Variants in SDK1 observed in about 807,000 individuals in gnomAD.
The protein encoded by SDK1 is protein sidekick-1.
In SDK1, 157 loss-of-function variants were observed where a neutral mutation model predicts 245.5. That is an observed-to-expected ratio of 0.64 (90% confidence interval 0.56 to 0.73). The LOEUF (loss-of-function observed/expected upper bound fraction) is 0.73. Ranked by LOEUF, SDK1 falls within the 30% of genes least tolerant of loss-of-function variation. The pLI is 0.00. For synonymous variants in SDK1, 1,647 were observed against 1,278.5 expected, an observed-to-expected ratio of 1.29 and a Z score of -6.15; for missense variants, 3,583 against 3,002.3, an observed-to-expected ratio of 1.19 and a Z score of -4.52.
At chr7:4,203,739 C>G (rs1784029401) in intron 35 of SDK1, among the ~76,000 whole-genome samples, 1 of 152,212 alleles carries the variant, frequency 6.6e-6, no homozygotes, top group Non-Finnish European at 1.5e-5. Context: ...GACCCAGCGG[C>G]TTTCAGGAGC....
chr7:3,327,110 A>G (rs1417813262), intron 1 of SDK1, among the ~76,000 whole-genome samples: 1 of 152,152 alleles, frequency 6.6e-6, no homozygotes, highest in Admixed American at 6.5e-5. Flanking sequence ...TAGCAGCTGC[A>G]GCGTTTGGTC....
chr7:3,559,772 A>C (rs76035310), intron 1 of SDK1, among the ~76,000 whole-genome samples: 25 of 147,358 alleles, frequency 1.7e-4, no homozygotes, highest in African/African-American at 5.0e-4. Flanking sequence ...AAAAAAAAAA[A>C]ACACAAAAAT....
intron 4 of SDK1, among the ~76,000 whole-genome samples, chr7:3,677,523 C>G (rs1049105904): frequency 2.6e-5 from 4 of 152,154 alleles, no homozygotes; most frequent in Non-Finnish European, 5.9e-5. Flanking sequence ...TCTCGTGAGA[C>G]TTATTCACTA....
chr7:3,566,838 A>G (rs918475751), intron 1 of SDK1, among the ~76,000 whole-genome samples: 2 of 152,238 alleles, frequency 1.3e-5, no homozygotes, highest in African/African-American at 2.4e-5. Context: ...CTTCAAGCTC[A>G]TTATTACCGA....
chr7:3,624,223 G>A (rs1285214272), intron 2 of SDK1, among the ~76,000 whole-genome samples: 2 of 152,156 alleles, frequency 1.3e-5, no homozygotes, highest in East Asian at 1.9e-4. Flanking sequence ...TGCTGAGATA[G>A]GGTCTCACTC....
At chr7:4,089,183 A>G (rs1781628003) in intron 22 of SDK1, among the ~76,000 whole-genome samples, 1 of 151,932 alleles carries the variant, frequency 6.6e-6, no homozygotes, top group African/African-American at 2.4e-5. Flanking sequence ...GGGCATCTGC[A>G]GGATGAGGTC....
At chr7:3,511,132 G>A (rs1454729089) in intron 1 of SDK1, among the ~76,000 whole-genome samples, 1 of 152,186 alleles carries the variant, frequency 6.6e-6, no homozygotes, top group Non-Finnish European at 1.5e-5. Context: ...CACGGTCTGA[G>A]AAAGGAACCA....
At chr7:3,562,025 C>T (rs901669654) in intron 1 of SDK1, among the ~76,000 whole-genome samples, 1 of 152,136 alleles carries the variant, frequency 6.6e-6, no homozygotes, top group Non-Finnish European at 1.5e-5. Flanking sequence ...ATATTTTAGG[C>T]CTCCGTTTTT....
chr7:4,051,136 A>AAT (rs1004495152), intron 18 of SDK1, among the ~76,000 whole-genome samples: 10 of 139,412 alleles, frequency 7.2e-5, no homozygotes, highest in African/African-American at 1.3e-4. Context: ...TATTATATAT[A>AAT]ATATATGTAT....
chr7:3,907,541 C>G (rs1397427579), intron 5 of SDK1, among the ~76,000 whole-genome samples: 1 of 152,172 alleles, frequency 6.6e-6, no homozygotes, highest in Non-Finnish European at 1.5e-5. Context: ...GTTGTTTCTG[C>G]CTATTGGCTC....
chr7:4,210,011 T>G lies in SDK1; in HGVS notation c.5402-14T>G. 6.4e-7 allele frequency: 1 copy of G among 1,557,420 alleles called. No homozygotes were observed. Among genetic ancestry groups the G allele is most frequent in the Non-Finnish European group, 8.7e-7 (1 of 1,154,184 alleles). ...GAGCCCCTGTAAAAGTCACTTTGTG[T>G]TCTATTCTCCCAGCCCCTGGGGCCC... On this transcript the variant is annotated splice_polypyrimidine_tract_variant and intron_variant, in intron 37 of 44. Transcript: ENST00000404826.
intron 12 of SDK1, among the ~76,000 whole-genome samples, chr7:3,972,252 T>G (rs961803456): frequency 6.6e-6 from 1 of 152,050 alleles, no homozygotes; most frequent in Non-Finnish European, 1.5e-5. Context: ...GCTATTTTTT[T>G]GTATTTTTAG....
At chr7:3,513,332 A>G (rs186933193) in intron 1 of SDK1, among the ~76,000 whole-genome samples, 355 of 152,348 alleles carry the variant, frequency 2.3e-3, no homozygotes, top group Non-Finnish European at 3.6e-3. Flanking sequence ...GATATGCTAT[A>G]TAGAGGAAGA....
chr7:3,310,595 G>A (rs887827829), intron 1 of SDK1, among the ~76,000 whole-genome samples: 10 of 152,156 alleles, frequency 6.6e-5, no homozygotes, highest in African/African-American at 2.4e-4. Context: ...CATTCACTGA[G>A]GTTGGACCAC....
chr7:3,971,747 A>C (rs959697836), intron 12 of SDK1, among the ~76,000 whole-genome samples, 179 bp downstream of exon 12: 3 of 152,156 alleles, frequency 2.0e-5, no homozygotes, highest in Non-Finnish European at 4.4e-5. Context: ...TTTCCACTCC[A>C]GCCTTATGTG....
At chr7:3,306,333 C>G (rs1240571781) in intron 1 of SDK1, among the ~76,000 whole-genome samples, 1 of 152,148 alleles carries the variant, frequency 6.6e-6, no homozygotes, top group Non-Finnish European at 1.5e-5. Flanking sequence ...CCCAATTTTT[C>G]TTTCATAACA....
intron 4 of SDK1, among the ~76,000 whole-genome samples, chr7:3,757,924 A>G (rs1779983205): frequency 6.6e-6 from 1 of 152,124 alleles, no homozygotes; most frequent in South Asian, 2.1e-4. Flanking sequence ...GGGCCTGCCA[A>G]GAGTTGCCTT....
intron 1 of SDK1, among the ~76,000 whole-genome samples, chr7:3,529,790 G>C (rs777073509): frequency 2.6e-5 from 4 of 152,134 alleles, no homozygotes; most frequent in Non-Finnish European, 4.4e-5. Flanking sequence ...CCAGGTGGTC[G>C]AGGGGTGGGC....
intron 4 of SDK1, among the ~76,000 whole-genome samples, chr7:3,762,820 C>T (rs530518965): frequency 1.1e-4 from 16 of 152,178 alleles, no homozygotes; most frequent in South Asian, 8.3e-4. Flanking sequence ...TTTTTGTTTC[C>T]GTAGTATGAC....
Sources: allele counts gnomAD v4.1 joint callset (sites outside exome capture counted in the v4.1 genomes callset), GRCh38; gene constraint gnomAD v4.1.1; transcripts MANE v1.5; gene names NCBI Gene and HGNC (gene_info 2026-07-23, HGNC 2026-07-21).